ERBB4: variants seen among roughly 807,000 people sequenced by gnomAD.
The protein encoded by ERBB4 is receptor tyrosine-protein kinase erbB-4.
ERBB4 carries 42 observed loss-of-function variants against 158.0 expected under a neutral mutation model. That is an observed-to-expected ratio of 0.27 (90% CI 0.21 to 0.34). ERBB4 has a LOEUF of 0.34. ERBB4 is among the 10% of genes least tolerant of loss of function. The pLI, the probability that ERBB4 is intolerant of heterozygous loss-of-function variation, is 1.00. For missense variants in ERBB4, 1,333 were observed against 1,624.1 expected (o/e 0.82, Z 3.08); for synonymous variants, 583 against 558.7 (o/e 1.04, Z -0.61).
intron 3 of ERBB4, among the ~76,000 whole-genome samples, chr2:211,815,224 C>T (rs1357285661): frequency 2.6e-5 from 4 of 152,074 alleles, no homozygotes; most frequent in Non-Finnish European, 4.4e-5. Context: ...TGACAATCTA[C>T]TAGAATAATA....
At chr2:211,471,977 T>TA (rs1317110222) in intron 20 of ERBB4, among the ~76,000 whole-genome samples, 1 of 151,940 alleles carries the variant, frequency 6.6e-6, no homozygotes, top group Non-Finnish European at 1.5e-5. Flanking sequence ...CCCTGTCTCT[T>TA]AAAAAAGGGG....
At chr2:211,676,733 A>C (rs1188393436) in intron 13 of ERBB4, among the ~76,000 whole-genome samples, 2 of 152,236 alleles carry the variant, frequency 1.3e-5, no homozygotes, top group Non-Finnish European at 2.9e-5. Context: ...TTTCCTCTTT[A>C]GTATTGCACA....
At chr2:211,834,314 G>A (rs1035779035) in intron 3 of ERBB4, among the ~76,000 whole-genome samples, 7 of 152,226 alleles carry the variant, frequency 4.6e-5, no homozygotes, top group Middle Eastern at 6.8e-3. Context: ...AGGTGGCAAA[G>A]TCACTGCGAC....
At chr2:211,522,627 G>A (rs991173729) in intron 20 of ERBB4, among the ~76,000 whole-genome samples, 2 of 152,114 alleles carry the variant, frequency 1.3e-5, no homozygotes, top group African/African-American at 2.4e-5. Context: ...AAACAACTTT[G>A]CTAGCTAGAG....
intron 20 of ERBB4, among the ~76,000 whole-genome samples, chr2:211,561,564 C>A (rs1234661004): frequency 1.3e-5 from 2 of 152,064 alleles, no homozygotes; most frequent in African/African-American, 2.4e-5. Context: ...GACATTCAAC[C>A]CTTTCTTTCT....
chr2:211,739,592 T>C (rs2074721265), intron 5 of ERBB4, among the ~76,000 whole-genome samples: 1 of 152,094 alleles, frequency 6.6e-6, no homozygotes, highest in Non-Finnish European at 1.5e-5. Flanking sequence ...GTGTCCCGAG[T>C]AGCTGGGACT....
intron 7 of ERBB4, among the ~76,000 whole-genome samples, chr2:211,716,101 G>A (rs902101890): frequency 2.6e-5 from 4 of 152,100 alleles, no homozygotes; most frequent in Non-Finnish European, 5.9e-5. Context: ...AGTGGCTCAC[G>A]CCTGTAATCC....
chr2:211,388,030 G>A, intron 25 of ERBB4, 38 bp from the exon 26 acceptor site: 2 of 1,409,312 alleles, frequency 1.4e-6, no homozygotes, highest in South Asian at 1.2e-5. Flanking sequence ...GATATAATAA[G>A]AGGCAATATG....
chr2:212,107,215 G>T (rs1048106050), intron 2 of ERBB4, among the ~76,000 whole-genome samples: 1 of 152,178 alleles, frequency 6.6e-6, no homozygotes, highest in Non-Finnish European at 1.5e-5. Flanking sequence ...TGGGAGGCTG[G>T]ACCCTGCAAA....
intron 1 of ERBB4, among the ~76,000 whole-genome samples, chr2:212,169,844 G>A (rs1431450622): frequency 6.6e-6 from 1 of 152,132 alleles, no homozygotes; most frequent in African/African-American, 2.4e-5. Context: ...TGCCATGTAA[G>A]ACTTGCCTCT....
intron 25 of ERBB4, among the ~76,000 whole-genome samples, chr2:211,411,730 G>A (rs1304179844): frequency 7.2e-5 from 11 of 152,088 alleles, no homozygotes; most frequent in Admixed American, 7.2e-4. Context: ...TCCTTCAACT[G>A]TTAGTGACAA....
At chr2:212,485,123 A>T (rs1026289813) in intron 1 of ERBB4, among the ~76,000 whole-genome samples, 2 of 152,226 alleles carry the variant, frequency 1.3e-5, no homozygotes, top group African/African-American at 4.8e-5. Context: ...AAAGCAGCAG[A>T]GAAAGAAACA....
intron 1 of ERBB4, among the ~76,000 whole-genome samples, chr2:212,195,334 G>A (rs1485606474): frequency 6.6e-6 from 1 of 151,822 alleles, no homozygotes; most frequent in Admixed American, 6.6e-5. Flanking sequence ...TACTTTCTAA[G>A]AAAATCAAAC....
At chr2:211,527,074 T>A (rs1248124801) in intron 20 of ERBB4, among the ~76,000 whole-genome samples, 1 of 151,940 alleles carries the variant, frequency 6.6e-6, no homozygotes, top group Non-Finnish European at 1.5e-5. Flanking sequence ...GAGAAAAATA[T>A]CAATATCCAA....
chr2:212,206,589 C>CTTTTCTTTTTTTTTTTTTTTTTTTTTTT (rs2082754707), intron 1 of ERBB4, among the ~76,000 whole-genome samples: 5 of 116,448 alleles, frequency 4.3e-5, no homozygotes, highest in Admixed American at 4.0e-4. Context: ...CTGTTCTGTT[C>CTTTTCTTTTTTTTTTTTTTTTTTTTTTT]TTTTTTTTTT....
intron 1 of ERBB4, among the ~76,000 whole-genome samples, chr2:212,399,240 GC>G (rs776674084): frequency 1.3e-5 from 2 of 151,894 alleles, no homozygotes; most frequent in Non-Finnish European, 2.9e-5. Flanking sequence ...ACTGCACCTG[GC>G]CCATATTGTT....
intron 1 of ERBB4, among the ~76,000 whole-genome samples, chr2:212,487,298 AT>A (rs892569635): frequency 2.0e-5 from 3 of 151,964 alleles, no homozygotes; most frequent in African/African-American, 7.3e-5. Flanking sequence ...ATACCAAATA[AT>A]TTTTCCATTT....
At chr2:211,537,726 C>T (rs960996735) in intron 20 of ERBB4, among the ~76,000 whole-genome samples, 1 of 151,796 alleles carries the variant, frequency 6.6e-6, no homozygotes, top group Admixed American at 6.6e-5. Flanking sequence ...AAAACTTATG[C>T]CTGTATCACA....
At chr2:211,590,739 T>C (rs1574819978) in intron 19 of ERBB4, among the ~76,000 whole-genome samples, 1 of 152,134 alleles carries the variant, frequency 6.6e-6, no homozygotes, top group Non-Finnish European at 1.5e-5. Context: ...AATTACTCTT[T>C]TGTCTATTGC....
Sources: allele counts gnomAD v4.1 joint callset (sites outside exome capture counted in the v4.1 genomes callset), GRCh38; gene constraint gnomAD v4.1.1; transcripts MANE v1.5; gene names NCBI Gene and HGNC (gene_info 2026-07-23, HGNC 2026-07-21).